Variants in SLC27A5 observed in about 807,000 individuals in gnomAD.
The protein encoded by SLC27A5 is long-chain fatty acid transport protein 5.
In SLC27A5, 47 loss-of-function variants were observed where a neutral mutation model predicts 63.1. The ratio of observed to expected loss-of-function variants is 0.74; its 90% CI spans 0.59 to 0.95. The LOEUF is 0.95. Among genes scored for constraint, SLC27A5 ranks in the 40% least tolerant of loss-of-function variants. The probability of loss-of-function intolerance (pLI) is 0.00; values close to 1 mark genes in which losing one functional copy is unlikely to be tolerated. For missense variants in SLC27A5, 940 were observed against 921.0 expected (o/e 1.02, Z -0.27); for synonymous variants, 391 against 403.8 (o/e 0.97, Z 0.38).
intron 2 of SLC27A5, chr19:58,510,311 C>G (rs920620794): frequency 2.7e-6 from 1 of 374,600 alleles, no homozygotes; most frequent in Non-Finnish European, 4.8e-6. Context: ...CAGTGGCTCA[C>G]GCCTGTAATC....
Position 58,500,710 on chromosome 19 carries a change from C to T in SLC27A5, c.1183-4G>A, listed in dbSNP as rs778593213. On this transcript the variant is annotated splice_region_variant and splice_polypyrimidine_tract_variant and intron_variant, in intron 4 of 9. Coordinates refer to ENST00000263093, the MANE Select transcript of SLC27A5 (RefSeq NM_012254.3). ...TATGTGTCCGGTCCTCTGGTTGCTACAGGAATGTCCCCAGAAGGGTGAGGA... is the reference window on the plus strand; with the variant it reads ...TATGTGTCCGGTCCTCTGGTTGCTATAGGAATGTCCCCAGAAGGGTGAGGA... The T allele has an allele frequency of 6.2e-7, 1 of 1,611,070 alleles. No homozygotes were observed. Among genetic ancestry groups the T allele is most frequent in the South Asian group, 1.1e-5 (1 of 91,062 alleles).
chr19:58,500,500 C>G lies in SLC27A5; in HGVS notation c.1377+12G>C, dbSNP rs769385002. On this transcript the variant is annotated intron_variant, in intron 5 of 9. Transcript: ENST00000263093. The stretch of plus-strand genomic sequence containing the variant: ...CTCAGGGCAGCTGCACACCAGGTAC[C>G]CGCACACTCACTCGGAGGAGGCAGC... The G allele has an allele frequency of 1.2e-5, 20 of 1,613,734 alleles. No individual in the cohort carries two copies. Among genetic ancestry groups the G allele is most frequent in the Non-Finnish European group, 1.7e-5 (20 of 1,179,942 alleles).
chr19:58,498,556 C>T lies in SLC27A5; in HGVS notation c.2032G>A (p.Glu678Lys), dbSNP rs1401786815. Residue 678 changes from glutamate (E) to lysine (K), a missense_variant, in exon 10 of 10, where the codon GAA becomes AAA. Glu to Lys is a moderately conservative substitution (Grantham distance 56). Coordinates refer to ENST00000263093, the MANE Select transcript of SLC27A5 (RefSeq NM_012254.3). ...CCCTCACACACAGCCTGGTACATTTCTGCCGTCAGGGGCCGGAAGGACTGG... is the reference window on the plus strand; with the variant it reads ...CCCTCACACACAGCCTGGTACATTTTTGCCGTCAGGGGCCGGAAGGACTGG... ...RAQSFRPLTA[E>K]MYQAVCEGTW... 1.9e-5 allele frequency: 31 copies of T among 1,613,990 alleles called. No homozygotes were observed. Among genetic ancestry groups the T allele is most frequent in the Non-Finnish European group, 2.6e-5 (31 of 1,179,938 alleles).
chr19:58,500,848 A>C, intron 4 of SLC27A5, 142 bp from the exon 5 acceptor site: 2 of 1,446,698 alleles, frequency 1.4e-6, no homozygotes, highest in East Asian at 2.5e-5. Context: ...TAAGGGATCT[A>C]CCTGGGTTAC....
intron 3 of SLC27A5, among the ~76,000 whole-genome samples, chr19:58,504,573 T>TGGGGGG (rs57027973): frequency 1.1e-3 from 68 of 62,066 alleles, no homozygotes; most frequent in Admixed American, 1.3e-3. Flanking sequence ...GATTGAACCC[T>TGGGGGG]GGGGGGGGGG....
At chr19:58,499,809 CACAG>C (rs2053253394) in intron 6 of SLC27A5, 119 bp from the exon 7 acceptor site, 3 of 894,484 alleles carry the variant, frequency 3.4e-6, no homozygotes, top group African/African-American at 1.7e-5. Flanking sequence ...GACCCAAAGA[CACAG>C]ACAGGGAGAT....
Position 58,498,438 on chromosome 19 carries a change from A to G in SLC27A5, c.*77T>C. ...GCCAGGCTGGGATTCACACAGGCCC[A>G]GGATGAAAGGGACACCGAGTGTGTT... On this transcript the variant is annotated 3_prime_UTR_variant, in exon 10 of 10. Transcript: ENST00000263093. 6.9e-7 allele frequency: 1 copy of G among 1,449,228 alleles called. No homozygotes were observed. The allele number at this position is 1,449,228 out of a possible 1,614,324, so 89.8% of individuals were successfully genotyped here.
intron 3 of SLC27A5, among the ~76,000 whole-genome samples, chr19:58,502,199 A>T (rs1024459169): frequency 6.6e-6 from 1 of 151,476 alleles, no homozygotes; most frequent in Non-Finnish European, 1.5e-5. Context: ...TAGAGTAGTG[A>T]GTGAGTAGAT....
At chr19:58,510,684 T>G in intron 2 of SLC27A5, 37 bp downstream of exon 2, 1 of 1,525,898 alleles carries the variant, frequency 6.6e-7, no homozygotes, top group Non-Finnish European at 8.9e-7. Flanking sequence ...AGCCTGAGAG[T>G]TCAGAGGCTG....
At chr19:58,509,302 C>G (rs1422155733) in intron 3 of SLC27A5, 1 of 151,516 alleles carries the variant, frequency 6.6e-6, no homozygotes, top group Non-Finnish European at 1.5e-5. Context: ...AGGAGAATTG[C>G]TTGAACCCAG....
At chr19:58,505,848 C>CA (rs34890544) in intron 3 of SLC27A5, among the ~76,000 whole-genome samples, 22,740 of 83,332 alleles carry the variant, frequency 0.27, 2,288 homozygotes, top group Middle Eastern at 0.34. Context: ...AACCCCGACT[C>CA]AAAAAAAAAA....
chr19:58,505,850 A>C (rs1198969280), intron 3 of SLC27A5, among the ~76,000 whole-genome samples: 1 of 138,426 alleles, frequency 7.2e-6, no homozygotes, highest in Non-Finnish European at 1.6e-5. Flanking sequence ...CCCCGACTCA[A>C]AAAAAAAAAA....
chr19:58,509,776 C>T (rs2053388265), intron 3 of SLC27A5, 71 bp downstream of exon 3: 2 of 1,436,236 alleles, frequency 1.4e-6, no homozygotes, highest in South Asian at 1.4e-5. Flanking sequence ...GTCTTTTTGC[C>T]TTGACAGCCC....
intron 1 of SLC27A5, 34 bp from the exon 2 acceptor site, chr19:58,510,964 A>T: frequency 2.0e-6 from 3 of 1,527,748 alleles, no homozygotes; most frequent in Non-Finnish European, 2.7e-6. Context: ...AACAGAGGCA[A>T]GGCTCACCTT....
intron 2 of SLC27A5, 116 bp downstream of exon 2, chr19:58,510,605 G>A (rs1600046294): frequency 1.1e-6 from 1 of 910,970 alleles, no homozygotes; most frequent in East Asian, 2.9e-5. Flanking sequence ...AAAAACAAAT[G>A]TCAAAATCAG....
chr19:58,501,445 G>T, intron 3 of SLC27A5, 35 bp from the exon 4 acceptor site: 1 of 1,605,450 alleles, frequency 6.2e-7, no homozygotes. Flanking sequence ...TTCAGGTCAT[G>T]CTTCCAAATT....
Position 58,501,348 on chromosome 19 carries a change from G to C in SLC27A5, c.1120C>G (p.His374Asp). The stretch of plus-strand genomic sequence containing the variant: ...ACATACAGGATCACTGTCACGCCAT[G>C]CTGCCGACAGTCATCCCAGAAGCAG... Reference protein sequence around the residue: ...TSCFWDDCRQHGVTVILYVGE... With the variant: ...TSCFWDDCRQDGVTVILYVGE... The change falls in exon 4 of 10, where the codon CAT becomes GAT. Residue 374 changes from histidine (H) to aspartate (D), a missense_variant. Physicochemically the swap from His to Asp is moderately conservative, Grantham distance 81 (BLOSUM62 -1). Transcript: ENST00000263093. 1.2e-6 allele frequency: 2 copies of C among 1,613,806 alleles called. No homozygotes were observed. Among genetic ancestry groups the C allele is most frequent in the Non-Finnish European group, 1.7e-6 (2 of 1,179,786 alleles).
intron 6 of SLC27A5, among the ~76,000 whole-genome samples, 197 bp from the exon 7 acceptor site, chr19:58,499,887 G>T (rs888042056): frequency 6.6e-6 from 1 of 152,168 alleles, no homozygotes; most frequent in Non-Finnish European, 1.5e-5. Flanking sequence ...GAAAATGAGA[G>T]AGAAGTATAG....
rs1325330871 is a variant in SLC27A5, at chr19:58,499,487, C to T, written c.1667+5G>A. ...AGCCCCGCCCCGAGAAACCCTGCCT[C>T]GGACCGGAAGGTGTCCCCGAGGCGG... On this transcript the variant is annotated splice_donor_5th_base_variant and intron_variant, in intron 7 of 9. Transcript: ENST00000263093. The T allele has an allele frequency of 2.5e-6, 4 of 1,612,786 alleles. No homozygotes were observed. The highest frequency in any genetic ancestry group is 1.3e-5 in the African/African-American group (1 of 75,066).
Sources: gnomAD v4.1 joint callset for allele counts (sites outside exome capture counted in the v4.1 genomes callset) on GRCh38, gnomAD v4.1.1 for gene constraint, MANE v1.5 for transcripts, NCBI Gene and HGNC (gene_info 2026-07-23, HGNC 2026-07-21) for gene names.